The following LGSN variants were observed in gnomAD, a reference collection of about 807,000 sequenced individuals.
LGSN encodes lengsin.
In LGSN, 21 loss-of-function variants were observed where a neutral mutation model predicts 19.5. The observed-to-expected ratio is 1.07, with a 90% CI of 0.76 to 1.55. The LOEUF is 1.55. LGSN is among the 40% of genes most tolerant of loss of function. The pLI, the probability that LGSN is intolerant of heterozygous loss-of-function variation, is 0.00. For synonymous variants in LGSN, 257 were observed against 215.6 expected, an observed-to-expected ratio of 1.19 and a Z score of -1.68; for missense variants, 673 against 608.5, an observed-to-expected ratio of 1.11 and a Z score of -1.12.
chr6:63,282,600 A>C (rs1767364114), intron 3 of LGSN, among the ~76,000 whole-genome samples: 1 of 152,202 alleles, frequency 6.6e-6, no homozygotes. Flanking sequence ...AAAGTAATTT[A>C]CTGGTTCACT....
the LGSN span, among the ~76,000 whole-genome samples, chr6:63,431,821 C>G: frequency 6.6e-6 from 1 of 151,676 alleles, no homozygotes; most frequent in Non-Finnish European, 1.5e-5. Context: ...AATCCCAACA[C>G]TTTGGGAGGC....
the LGSN span, among the ~76,000 whole-genome samples, chr6:63,555,762 C>T: frequency 0.019 from 2,907 of 151,376 alleles, 92 homozygotes; most frequent in African/African-American, 0.067. Flanking sequence ...GGCGTGATCC[C>T]GGCTCACTGC....
chr6:63,509,791 C>T, the LGSN span, among the ~76,000 whole-genome samples: 1 of 152,304 alleles, frequency 6.6e-6, no homozygotes, highest in South Asian at 2.1e-4. Context: ...AATGCAGAAA[C>T]TAAACAGTAG....
the LGSN span, among the ~76,000 whole-genome samples, chr6:63,412,432 A>AAGAG: frequency 6.4e-4 from 89 of 138,296 alleles, 1 homozygote; most frequent in African/African-American, 2.6e-3. Flanking sequence ...GAAAGAAAGA[A>AAGAG]AGAAAGAAAG....
chr6:63,553,917 C>G, the LGSN span, among the ~76,000 whole-genome samples: 111 of 152,052 alleles, frequency 7.3e-4, no homozygotes, highest in African/African-American at 2.5e-3. Context: ...ACAGAAAATA[C>G]GAAAGAAAAA....
intron 3 of LGSN, among the ~76,000 whole-genome samples, chr6:63,284,617 A>G (rs1269765886): frequency 1.3e-5 from 2 of 152,294 alleles, no homozygotes; most frequent in South Asian, 4.1e-4. Flanking sequence ...AGTGCCAGTT[A>G]CTTTTCCTTA....
At chr6:63,323,177 T>C (rs1179190166), upstream of LGSN, among the ~76,000 whole-genome samples, 1 of 152,170 alleles carries the variant, frequency 6.6e-6, no homozygotes, top group Non-Finnish European at 1.5e-5. Context: ...TGCAATCACA[T>C]ATAATAAGTT....
chr6:63,325,143 A>G, the LGSN span, among the ~76,000 whole-genome samples: 1 of 151,540 alleles, frequency 6.6e-6, no homozygotes, highest in Non-Finnish European at 1.5e-5. Flanking sequence ...TTTCAAATAT[A>G]TAATCTAATG....
chr6:63,452,886 AT>A, the LGSN span, among the ~76,000 whole-genome samples: 1 of 151,828 alleles, frequency 6.6e-6, no homozygotes, highest in African/African-American at 2.4e-5. Context: ...AGCTTGGATC[AT>A]TAATGTGAGA....
At chr6:63,337,869 A>G in the LGSN span, among the ~76,000 whole-genome samples, 2 of 152,004 alleles carry the variant, frequency 1.3e-5, no homozygotes, top group Admixed American at 1.3e-4. Context: ...AGAACTCTGT[A>G]CTATTTTATT....
In LGSN at chr6:63,319,963, A is replaced by C. The variant is rs1016036391; in HGVS notation, c.-20T>G. 1 of 1,597,470 alleles carries C rather than the reference A, an allele frequency of 6.3e-7. No homozygotes were observed. The highest frequency in any genetic ancestry group is 1.3e-5 in the African/African-American group (1 of 74,568). On this transcript the variant is annotated 5_prime_UTR_variant, in exon 1 of 4. Transcript: ENST00000370657. ...ATTCATCTCAACACTTTTTAAGTTC[A>C]GCGTTAGAAACCACAATATCCTCAA...
At chr6:63,383,745 G>A in the LGSN span, among the ~76,000 whole-genome samples, 1 of 151,280 alleles carries the variant, frequency 6.6e-6, no homozygotes, top group Non-Finnish European at 1.5e-5. Flanking sequence ...CTTTTTCACT[G>A]AGTTGTCTTA....
chr6:63,424,346 T>G, the LGSN span, among the ~76,000 whole-genome samples: 1 of 152,094 alleles, frequency 6.6e-6, no homozygotes, highest in South Asian at 2.1e-4. Flanking sequence ...AAGACTCTCA[T>G]AAAAGAAATC....
At chr6:63,315,673 C>T (rs1034327796) in intron 1 of LGSN, among the ~76,000 whole-genome samples, 1 of 149,462 alleles carries the variant, frequency 6.7e-6, no homozygotes, top group Admixed American at 6.7e-5. Flanking sequence ...CTCTCACTCT[C>T]TATATATCTA....
chr6:63,442,805 GAC>G, the LGSN span, among the ~76,000 whole-genome samples: 4 of 152,220 alleles, frequency 2.6e-5, no homozygotes, highest in African/African-American at 9.6e-5. Flanking sequence ...CCCCGAGCTA[GAC>G]ACAGAGTGCT....
chr6:63,283,746 G>A (rs1767414569), intron 3 of LGSN, among the ~76,000 whole-genome samples: 1 of 151,544 alleles, frequency 6.6e-6, no homozygotes, highest in Non-Finnish European at 1.5e-5. Flanking sequence ...TTTTGCCCAG[G>A]CTGGAGTGCA....
At chr6:63,378,206 G>A in the LGSN span, among the ~76,000 whole-genome samples, 1 of 152,110 alleles carries the variant, frequency 6.6e-6, no homozygotes, top group Admixed American at 6.5e-5. Context: ...TAGAGTAATG[G>A]AGACAACATC....
At chr6:63,455,151 G>A in the LGSN span, among the ~76,000 whole-genome samples, 1 of 152,118 alleles carries the variant, frequency 6.6e-6, no homozygotes, top group Admixed American at 6.5e-5. Flanking sequence ...AGAACCAACT[G>A]GATCTCAGTT....
chr6:63,485,803 A>T, the LGSN span, among the ~76,000 whole-genome samples: 1 of 152,070 alleles, frequency 6.6e-6, no homozygotes, highest in Admixed American at 6.5e-5. Context: ...ATCTCGGCTC[A>T]CTGCAACCTC....
Sources: allele counts gnomAD v4.1 joint callset (sites outside exome capture counted in the v4.1 genomes callset), GRCh38; gene constraint gnomAD v4.1.1; transcripts MANE v1.5; gene names NCBI Gene and HGNC (gene_info 2026-07-23, HGNC 2026-07-21).